The following SDHB variants were observed in gnomAD, a reference collection of about 807,000 sequenced individuals.
The protein encoded by SDHB is succinate dehydrogenase complex iron sulfur subunit B.
In SDHB, 21 loss-of-function variants were observed where a neutral mutation model predicts 39.7. That is an observed-to-expected ratio of 0.53 (90% CI 0.37 to 0.76). SDHB has a LOEUF of 0.76. SDHB is among the 30% of genes least tolerant of loss of function. SDHB has a pLI of 0.00. For missense variants in SDHB, 343 were observed against 350.9 expected (o/e 0.98, Z 0.18); for synonymous variants, 118 against 117.0 (o/e 1.01, Z -0.06).
At chr1:17,034,250 A>G (rs2078038187) in intron 2 of SDHB, among the ~76,000 whole-genome samples, 1 of 152,038 alleles carries the variant, frequency 6.6e-6, no homozygotes, top group Non-Finnish European at 1.5e-5. Context: ...CAGCCTCAAG[A>G]GATCCTCCTG....
intron 4 of SDHB, 56 bp from the exon 5 acceptor site, chr1:17,027,921 T>A: frequency 9.4e-7 from 1 of 1,065,320 alleles, no homozygotes; most frequent in Non-Finnish European, 1.5e-6. Flanking sequence ...GATTCCATCA[T>A]CACCTCAGCT....
chr1:17,031,533 G>C (rs964526871), intron 3 of SDHB, among the ~76,000 whole-genome samples: 5 of 152,132 alleles, frequency 3.3e-5, no homozygotes, highest in African/African-American at 1.2e-4. Flanking sequence ...GGACTTAATG[G>C]GGAAGGCTGC....
rs918690816 is a variant in SDHB at position 17,054,032 on chromosome 1, C to A, written c.-13G>T. ...CCACCGCCGCCATCTTGGCTCCTGA[C>A]GTCAGCCCCACCCCTTAACCCCGAG... On this transcript the variant is annotated 5_prime_UTR_variant, in exon 1 of 8. Coordinates refer to ENST00000375499, the MANE Select transcript of SDHB (RefSeq NM_003000.3). 1.9e-6 allele frequency: 3 copies of A among 1,602,968 alleles called. No homozygotes were observed. The highest frequency in any genetic ancestry group is 2.6e-6 in the Non-Finnish European group (3 of 1,172,256).
chr1:17,047,751 T>C (rs1265334461), intron 1 of SDHB, among the ~76,000 whole-genome samples: 1 of 151,378 alleles, frequency 6.6e-6, no homozygotes, highest in African/African-American at 2.4e-5. Flanking sequence ...CACAGCTCAC[T>C]GCAGCCTCAA....
At chr1:17,040,966 T>C (rs888473522) in intron 2 of SDHB, among the ~76,000 whole-genome samples, 1 of 152,066 alleles carries the variant, frequency 6.6e-6, no homozygotes, top group Non-Finnish European at 1.5e-5. Flanking sequence ...TTGTCTTTAC[T>C]AAAAATACAA....
At chr1:17,051,570 G>C (rs1369494655) in intron 1 of SDHB, among the ~76,000 whole-genome samples, 1 of 152,076 alleles carries the variant, frequency 6.6e-6, no homozygotes, top group East Asian at 1.9e-4. Flanking sequence ...GATTGGTGAT[G>C]CTTGAAATCC....
intron 1 of SDHB, among the ~76,000 whole-genome samples, chr1:17,047,217 G>T (rs1006051739): frequency 6.6e-6 from 1 of 151,672 alleles, no homozygotes; most frequent in Non-Finnish European, 1.5e-5. Flanking sequence ...TTAGCCCGGT[G>T]TGGTGGCACA....
At position 17,022,719 on chromosome 1, in the gene SDHB, C is replaced by G; in HGVS notation, c.654G>C (p.Trp218Cys). ...GPAVLMQAYR[W>C]MIDSRDDFTE... ...TGAAGTCATCTCTGGAGTCAATCAT[C>G]CAGCGATAGGCCTGGAAAACCAGGG... The change falls in exon 7 of 8, where the codon TGG becomes TGC. Residue 218 changes from tryptophan (W) to cysteine (C), a missense_variant. Physicochemically the swap from Trp to Cys is radical, Grantham distance 215. Coordinates refer to ENST00000375499, the MANE Select transcript of SDHB (RefSeq NM_003000.3). 6.2e-7 allele frequency: 1 copy of G among 1,613,726 alleles called. No individual in the cohort carries two copies. Among genetic ancestry groups the G allele is most frequent in the Non-Finnish European group, 8.5e-7 (1 of 1,179,732 alleles).
chr1:17,029,319 T>C (rs2078010499), intron 3 of SDHB, among the ~76,000 whole-genome samples: 2 of 151,990 alleles, frequency 1.3e-5, no homozygotes, highest in Non-Finnish European at 2.9e-5. Context: ...GACAGGGTTT[T>C]GTTATGTTGC....
At chr1:17,022,460 A>G (rs1401528308) in intron 7 of SDHB, 148 bp downstream of exon 7, 6 of 1,116,026 alleles carry the variant, frequency 5.4e-6, no homozygotes, top group African/African-American at 3.1e-5. Flanking sequence ...ACTAGCCCCT[A>G]GGCTCACACT....
chr1:17,032,041 G>A (rs1196763204), intron 3 of SDHB, among the ~76,000 whole-genome samples: 1 of 152,204 alleles, frequency 6.6e-6, no homozygotes, highest in African/African-American at 2.4e-5. Flanking sequence ...CATCAGGCCA[G>A]TCGGTCTTCA....
intron 2 of SDHB, among the ~76,000 whole-genome samples, chr1:17,034,541 C>T (rs901797307): frequency 4.0e-5 from 6 of 151,392 alleles, no homozygotes; most frequent in South Asian, 2.1e-4. Flanking sequence ...CCACCACACC[C>T]GGCAAATTTT....
intron 2 of SDHB, among the ~76,000 whole-genome samples, chr1:17,041,980 G>A (rs896701042): frequency 2.6e-5 from 4 of 151,642 alleles, no homozygotes; most frequent in African/African-American, 9.7e-5. Flanking sequence ...GGAGTGCAGT[G>A]GTGTGATCTT....
At chr1:17,051,416 A>T (rs2078146561) in intron 1 of SDHB, among the ~76,000 whole-genome samples, 2 of 152,172 alleles carry the variant, frequency 1.3e-5, no homozygotes, top group African/African-American at 4.8e-5. Flanking sequence ...AAGTGTCCTT[A>T]GGGTGCAGGC....
In SDHB at chr1:17,053,223, A is replaced by T. The variant is rs1402397028; in HGVS notation, c.72+725T>A. Among the ~76,000 whole-genome samples the T allele has an allele frequency of 1.4e-4, 22 of 152,226 alleles. 2 individuals carry two copies. The highest frequency in any genetic ancestry group is 2.9e-5 in the Non-Finnish European group (2 of 68,052). ...GGGAAAATCTGTTACTGCACACGGCATAGTAATAAACAAGAACAGCGCCAA... is the reference window on the plus strand; with the variant it reads ...GGGAAAATCTGTTACTGCACACGGCTTAGTAATAAACAAGAACAGCGCCAA... On this transcript the variant is annotated intron_variant, in intron 1 of 7. Coordinates refer to ENST00000375499, the MANE Select transcript of SDHB (RefSeq NM_003000.3).
intron 3 of SDHB, among the ~76,000 whole-genome samples, chr1:17,029,865 T>C (rs1343656195): frequency 2.0e-5 from 3 of 152,182 alleles, no homozygotes; most frequent in Non-Finnish European, 2.9e-5. Flanking sequence ...TCCTGAGTAG[T>C]TGGGACTACA....
chr1:17,049,561 T>C (rs2078132944), intron 1 of SDHB, among the ~76,000 whole-genome samples: 1 of 149,760 alleles, frequency 6.7e-6, no homozygotes, highest in South Asian at 2.1e-4. Flanking sequence ...CGTTCCAAAG[T>C]GTTGGGATTA....
intron 1 of SDHB, among the ~76,000 whole-genome samples, chr1:17,046,141 G>T (rs1334054186): frequency 2.0e-5 from 3 of 152,150 alleles, no homozygotes; most frequent in African/African-American, 7.2e-5. Context: ...TGAAGAAAAT[G>T]AAAGTTAAGA....
In SDHB at chr1:17,018,762, A is replaced by T; in HGVS notation, c.*119T>A. On this transcript the variant is annotated 3_prime_UTR_variant, in exon 8 of 8. Transcript: ENST00000375499. ...TAAAGTAGAATAACATTTATTTCTT[A>T]AAATTTTTATTATACATGCTGTATT... is the stretch of plus-strand genomic sequence containing the variant. The T allele has an allele frequency of 1.4e-6, 1 of 733,500 alleles. No individual in the cohort carries two copies. Among genetic ancestry groups the T allele is most frequent in the Admixed American group, 2.3e-5 (1 of 43,962 alleles). 45.4% of individuals were successfully genotyped at this position (733,500 alleles called of 1,614,324 possible).
Sources: allele counts gnomAD v4.1 joint callset (sites outside exome capture counted in the v4.1 genomes callset), GRCh38; gene constraint gnomAD v4.1.1; transcripts MANE v1.5; gene names NCBI Gene and HGNC (gene_info 2026-07-23, HGNC 2026-07-21).